Variants in GPC5 observed in about 807,000 individuals in gnomAD.
The protein encoded by GPC5 is glypican 5.
GPC5 carries 47 observed loss-of-function variants against 53.9 expected under a neutral mutation model. The ratio of observed to expected loss-of-function variants is 0.87; its 90% CI spans 0.69 to 1.11. GPC5 has a LOEUF of 1.11. GPC5 is among the 50% of genes most tolerant of loss of function. The probability of loss-of-function intolerance (pLI) is 0.00; values close to 1 mark genes in which losing one functional copy is unlikely to be tolerated. For missense variants in GPC5, 748 were observed against 713.1 expected, an observed-to-expected ratio of 1.05 and a Z score of -0.56; for synonymous variants, 286 against 263.3, an observed-to-expected ratio of 1.09 and a Z score of -0.84.
chr13:91,854,290 G>C (rs1017721205), intron 5 of GPC5, among the ~76,000 whole-genome samples: 4 of 151,576 alleles, frequency 2.6e-5, no homozygotes, highest in Non-Finnish European at 5.9e-5. Flanking sequence ...ACATATTTAT[G>C]GGGTATAGGA....
chr13:92,262,767 G>A (rs1442489500), intron 7 of GPC5, among the ~76,000 whole-genome samples: 1 of 152,100 alleles, frequency 6.6e-6, no homozygotes. Context: ...ATAACTTCAA[G>A]TTAAAAGTAA....
At chr13:92,825,088 G>T (rs1877800226) in intron 7 of GPC5, among the ~76,000 whole-genome samples, 1 of 152,064 alleles carries the variant, frequency 6.6e-6, no homozygotes, top group Admixed American at 6.6e-5. Flanking sequence ...AAGGGAATTT[G>T]AAGTTCTCTT....
chr13:92,144,433 G>A (rs966572201), intron 6 of GPC5, among the ~76,000 whole-genome samples: 1 of 152,172 alleles, frequency 6.6e-6, no homozygotes, highest in Admixed American at 6.5e-5. Context: ...AATACGGAGT[G>A]TGGGTTTACA....
At chr13:91,995,668 G>C (rs1368444175) in intron 6 of GPC5, 1 of 152,032 alleles carries the variant, frequency 6.6e-6, no homozygotes, top group African/African-American at 2.4e-5. Flanking sequence ...AACAACATTA[G>C]ATACTAAACT....
At position 91,728,540 on chromosome 13, in the gene GPC5, G is replaced by A. The variant is rs1304121546; in HGVS notation, c.1029G>A (p.Arg343=). ...NGQKLLEQVN[R]ICGRPVRTPT... The stretch of plus-strand genomic sequence containing the variant: ...TGTTTTCTATTTAAAAGGTAAATAG[G>A]ATTTGTGGCCGCCCTGTAAGAACAC... Residue 343 remains arginine, a synonymous_variant, in exon 4 of 8, where the codon AGG becomes AGA. Transcript: ENST00000377067. 2 of 1,609,756 alleles carry A rather than the reference G, an allele frequency of 1.2e-6. No homozygotes were observed. The highest frequency in any genetic ancestry group is 1.7e-6 in the Non-Finnish European group (2 of 1,177,838).
intron 5 of GPC5, among the ~76,000 whole-genome samples, chr13:91,780,723 A>G (rs1037509424): frequency 6.6e-6 from 1 of 152,168 alleles, no homozygotes; most frequent in Non-Finnish European, 1.5e-5. Context: ...TTTGTAGTAA[A>G]ATTTTTATTT....
chr13:92,178,915 G>A (rs992044407), intron 7 of GPC5, among the ~76,000 whole-genome samples: 75 of 152,166 alleles, frequency 4.9e-4, no homozygotes, highest in African/African-American at 1.8e-3. Flanking sequence ...AGGTTGCAGT[G>A]AGCCAAGATT....
chr13:91,649,596 A>T (rs914720256), intron 2 of GPC5, among the ~76,000 whole-genome samples: 1 of 152,190 alleles, frequency 6.6e-6, no homozygotes, highest in Non-Finnish European at 1.5e-5. Context: ...TGTGACTGAA[A>T]ACAGGACTTA....
intron 5 of GPC5, among the ~76,000 whole-genome samples, chr13:91,850,539 T>C (rs920919345): frequency 3.9e-5 from 6 of 152,200 alleles, no homozygotes; most frequent in Non-Finnish European, 7.4e-5. Flanking sequence ...AAGTCTGATC[T>C]TCCCTATTCT....
chr13:92,421,524 C>T (rs1445095650), intron 7 of GPC5, among the ~76,000 whole-genome samples: 1 of 151,776 alleles, frequency 6.6e-6, no homozygotes, highest in Admixed American at 6.6e-5. Flanking sequence ...ACGGTGAAAC[C>T]CTGTCTCTAC....
chr13:91,655,661 G>T (rs1157918046), intron 2 of GPC5, among the ~76,000 whole-genome samples: 1 of 151,878 alleles, frequency 6.6e-6, no homozygotes, highest in Non-Finnish European at 1.5e-5. Flanking sequence ...TTTATCACTT[G>T]GTAGGATACA....
In GPC5 at chr13:92,749,450, C is replaced by G. The variant is rs550793098; in HGVS notation, c.1562-116832C>G. Among the ~76,000 whole-genome samples the G allele has an allele frequency of 1.4e-4, 21 of 152,060 alleles. No individual in the cohort carries two copies. The South Asian group carries it at 4.4e-3, about 32-fold the overall frequency. ...TAGTTCATCCGGAAAAAAAAGTATG[C>G]TATTTTATGTTTCACAATAACTGTA... On this transcript the variant is annotated intron_variant, in intron 7 of 7. Coordinates refer to ENST00000377067, the MANE Select transcript of GPC5 (RefSeq NM_004466.6).
intron 7 of GPC5, among the ~76,000 whole-genome samples, chr13:92,627,960 A>G (rs1380391431): frequency 6.6e-6 from 1 of 152,146 alleles, no homozygotes; most frequent in African/African-American, 2.4e-5. Flanking sequence ...GCTCTCTAAT[A>G]TGACATTGGT....
intron 6 of GPC5, among the ~76,000 whole-genome samples, chr13:91,961,893 A>G (rs370686246): frequency 8.5e-5 from 13 of 152,198 alleles, no homozygotes; most frequent in African/African-American, 3.1e-4. Context: ...TGCAAGTTAT[A>G]TGCTATTTCT....
At chr13:91,893,083 A>G (rs2039404702) in intron 5 of GPC5, among the ~76,000 whole-genome samples, 1 of 151,982 alleles carries the variant, frequency 6.6e-6, no homozygotes, top group Non-Finnish European at 1.5e-5. Flanking sequence ...CATAAGATGT[A>G]GCTGTTTTTA....
intron 5 of GPC5, among the ~76,000 whole-genome samples, chr13:91,800,365 T>C (rs1466051177): frequency 6.6e-6 from 1 of 152,086 alleles, no homozygotes; most frequent in Non-Finnish European, 1.5e-5. Flanking sequence ...AGTTTTCCTA[T>C]TGTGTCTTTC....
chr13:91,670,411 G>A (rs1367553534), intron 2 of GPC5, among the ~76,000 whole-genome samples: 2 of 152,134 alleles, frequency 1.3e-5, no homozygotes, highest in Admixed American at 6.6e-5. Flanking sequence ...TGACAGAATG[G>A]TCTGAACCAG....
At chr13:91,602,544 G>A (rs562007790) in intron 2 of GPC5, among the ~76,000 whole-genome samples, 7 of 152,160 alleles carry the variant, frequency 4.6e-5, no homozygotes, top group South Asian at 2.1e-4. Flanking sequence ...ATGCAGCAAA[G>A]TTATTATCAA....
chr13:92,375,019 T>C (rs1471929980), intron 7 of GPC5, among the ~76,000 whole-genome samples: 1 of 152,122 alleles, frequency 6.6e-6, no homozygotes, highest in Non-Finnish European at 1.5e-5. Flanking sequence ...ATACTTGAGT[T>C]CGTTGCAGTA....
Sources: allele counts gnomAD v4.1 joint callset (sites outside exome capture counted in the v4.1 genomes callset), GRCh38; gene constraint gnomAD v4.1.1; transcripts MANE v1.5; gene names NCBI Gene and HGNC (gene_info 2026-07-23, HGNC 2026-07-21).